The following IL1RAPL1 variants were observed in gnomAD, a reference collection of about 807,000 sequenced individuals.
IL1RAPL1 encodes interleukin-1 receptor accessory protein-like 1.
Under a neutral mutation model 48.4 loss-of-function variants are expected in IL1RAPL1, and 3 were observed. The ratio of observed to expected loss-of-function variants is 0.06; its 90% CI spans 0.03 to 0.16. The LOEUF (loss-of-function observed/expected upper bound fraction) is 0.16. Among genes scored for constraint, IL1RAPL1 ranks in the 10% least tolerant of loss-of-function variants. IL1RAPL1 has a pLI of 1.00. For missense variants in IL1RAPL1, 349 were observed against 530.6 expected, an observed-to-expected ratio of 0.66 and a Z score of 3.36; for synonymous variants, 185 against 187.7, an observed-to-expected ratio of 0.99 and a Z score of 0.12.
intron 5 of IL1RAPL1, among the ~76,000 whole-genome samples, chrX:29,456,177 C>CT (rs780617957): frequency 8.9e-6 from 1 of 112,350 alleles, no homozygotes; most frequent in Non-Finnish European, 1.9e-5. Flanking sequence ...ATCTTCAACT[C>CT]TAAGTTGAAT....
chrX:28,725,829 A>G (rs981819798), intron 1 of IL1RAPL1, among the ~76,000 whole-genome samples: 4 of 112,130 alleles, frequency 3.6e-5, no homozygotes, highest in Non-Finnish European at 7.5e-5. Context: ...TTGAAGGAAT[A>G]CTCTGGGAAT....
chrX:29,953,836 G>A (rs1381478790), intron 9 of IL1RAPL1, among the ~76,000 whole-genome samples: 1 of 109,969 alleles, frequency 9.1e-6, no homozygotes, highest in Admixed American at 9.7e-5. Context: ...TTTTTCAACT[G>A]GGTAAAATGG....
chrX:29,355,947 G>A (rs1360693163), intron 3 of IL1RAPL1, among the ~76,000 whole-genome samples: 1 of 111,078 alleles, frequency 9.0e-6, no homozygotes, highest in Non-Finnish European at 1.9e-5. Context: ...ACAGATATAA[G>A]GGAAAACTAC....
chrX:29,153,556 T>C (rs170419), intron 2 of IL1RAPL1, among the ~76,000 whole-genome samples: 49,889 of 111,205 alleles, frequency 0.45, 8,587 homozygotes, highest in Non-Finnish European at 0.55. Flanking sequence ...TCTCATAATG[T>C]ATATTTCGTT....
intron 6 of IL1RAPL1, among the ~76,000 whole-genome samples, chrX:29,727,929 C>G (rs753882514): frequency 1.8e-5 from 2 of 110,378 alleles, no homozygotes; most frequent in Non-Finnish European, 1.9e-5. Flanking sequence ...TATTCTTCTT[C>G]TTGTTATTTA....
intron 1 of IL1RAPL1, among the ~76,000 whole-genome samples, chrX:28,699,524 C>T (rs1427662170): frequency 8.9e-6 from 1 of 112,430 alleles, no homozygotes; most frequent in African/African-American, 3.2e-5. Flanking sequence ...GCTGGATTGA[C>T]TCAGGCAGAC....
intron 2 of IL1RAPL1, among the ~76,000 whole-genome samples, chrX:29,018,561 G>A (rs1169033589): frequency 1.8e-5 from 2 of 111,811 alleles, no homozygotes; most frequent in Non-Finnish European, 3.8e-5. Flanking sequence ...GAAGGGACTT[G>A]AACAAAAGCA....
chrX:29,905,491 T>G (rs1932590789), intron 6 of IL1RAPL1, among the ~76,000 whole-genome samples: 1 of 88,563 alleles, frequency 1.1e-5, no homozygotes, highest in African/African-American at 5.0e-5. Context: ...GTTTTTATGG[T>G]TTTAGGTCTA....
chrX:29,520,316 C>T (rs1173656052), intron 5 of IL1RAPL1, among the ~76,000 whole-genome samples: 1 of 111,708 alleles, frequency 9.0e-6, no homozygotes, highest in South Asian at 3.7e-4. Context: ...TTGACTTTTA[C>T]CTAAATCACA....
chrX:29,948,820 T>C (rs1933259370), intron 9 of IL1RAPL1, among the ~76,000 whole-genome samples: 1 of 100,545 alleles, frequency 9.9e-6, no homozygotes, highest in Non-Finnish European at 2.0e-5. Flanking sequence ...ATGTGATTCA[T>C]ATATACTTGA....
intron 3 of IL1RAPL1, among the ~76,000 whole-genome samples, chrX:29,332,653 A>AT (rs1166480434): frequency 7.5e-4 from 49 of 65,617 alleles, no homozygotes; most frequent in East Asian, 2.5e-3. Context: ...TATTTATTTT[A>AT]TTTTTTTTTT....
chrX:29,887,826 G>T (rs775788541), intron 6 of IL1RAPL1, among the ~76,000 whole-genome samples: 51 of 111,170 alleles, frequency 4.6e-4, no homozygotes, highest in African/African-American at 1.6e-3. Context: ...TCTAGTGTTG[G>T]ATGGAAAGGG....
chrX:28,723,592 C>T (rs771711140), intron 1 of IL1RAPL1, among the ~76,000 whole-genome samples: 2 of 111,718 alleles, frequency 1.8e-5, no homozygotes, highest in South Asian at 7.5e-4. Flanking sequence ...TCTCTATCTC[C>T]TTCAGTTCTG....
chrX:29,592,833 G>A (rs991361797), intron 5 of IL1RAPL1, among the ~76,000 whole-genome samples: 3 of 111,932 alleles, frequency 2.7e-5, no homozygotes, highest in Non-Finnish European at 5.6e-5. Flanking sequence ...GAGCCAGTGA[G>A]GCAGTCCTCT....
chrX:28,662,374 A>C (rs894273298), intron 1 of IL1RAPL1, among the ~76,000 whole-genome samples: 5 of 111,689 alleles, frequency 4.5e-5, no homozygotes, highest in African/African-American at 1.6e-4. Flanking sequence ...CATGAGTTTG[A>C]GAAAACATTC....
chrX:29,375,836 T>G (rs1384837612), intron 3 of IL1RAPL1, among the ~76,000 whole-genome samples: 1 of 112,473 alleles, frequency 8.9e-6, no homozygotes, highest in Non-Finnish European at 1.9e-5. Context: ...GATTTTCTAA[T>G]TTGTTTGCAT....
At chrX:29,357,422 G>A (rs1187053460) in intron 3 of IL1RAPL1, among the ~76,000 whole-genome samples, 1 of 111,649 alleles carries the variant, frequency 9.0e-6, no homozygotes, top group Admixed American at 9.5e-5. Context: ...CTAGGCTGTG[G>A]AATTAATTAG....
chrX:29,321,107 G>A (rs1338271041), intron 3 of IL1RAPL1, among the ~76,000 whole-genome samples: 1 of 111,742 alleles, frequency 8.9e-6, no homozygotes, highest in East Asian at 2.8e-4. Context: ...TAATGTGAAG[G>A]CAAAGGATTT....
intron 6 of IL1RAPL1, among the ~76,000 whole-genome samples, chrX:29,875,826 C>A (rs1931891146): frequency 8.9e-6 from 1 of 112,042 alleles, no homozygotes; most frequent in African/African-American, 3.2e-5. Context: ...TAATCTGACA[C>A]TTTTAATATC....
Sources: allele counts gnomAD v4.1 joint callset (sites outside exome capture counted in the v4.1 genomes callset), GRCh38; gene constraint gnomAD v4.1.1; transcripts MANE v1.5; gene names NCBI Gene and HGNC (gene_info 2026-07-23, HGNC 2026-07-21).